NBAS: variants seen among roughly 807,000 people sequenced by gnomAD.
The protein encoded by NBAS is NAG/BC035112 fusion.
A neutral mutation model predicts 302.5 loss-of-function variants in NBAS; 219 were observed. The ratio of observed to expected loss-of-function variants is 0.72; its 90% confidence interval spans 0.65 to 0.81. NBAS has a LOEUF of 0.81. NBAS is among the 30% of genes least tolerant of loss of function. The probability of loss-of-function intolerance (pLI) is 0.00; values close to 1 mark genes in which losing one functional copy is unlikely to be tolerated. For missense variants in NBAS, 2,932 were observed against 2,841.6 expected, an observed-to-expected ratio of 1.03 and a Z score of -0.72; for synonymous variants, 1,118 against 1,021.6, an observed-to-expected ratio of 1.09 and a Z score of -1.80.
chr2:14,850,751 A>C, the NBAS span, among the ~76,000 whole-genome samples: 3 of 74,066 alleles, frequency 4.1e-5, no homozygotes, highest in Admixed American at 1.2e-4. Flanking sequence ...AGTGCAATCA[A>C]ACTAGAACTC....
At chr2:15,154,046 G>A in the NBAS span, among the ~76,000 whole-genome samples, 3 of 152,184 alleles carry the variant, frequency 2.0e-5, no homozygotes, top group African/African-American at 7.2e-5. Flanking sequence ...AGCATATCAT[G>A]CCAGCTCTGG....
chr2:14,938,771 G>T, the NBAS span, among the ~76,000 whole-genome samples: 1 of 152,166 alleles, frequency 6.6e-6, no homozygotes, highest in Non-Finnish European at 1.5e-5. Flanking sequence ...GAAATTAAGG[G>T]TTATTGTGTT....
At chr2:14,935,688 C>T in the NBAS span, among the ~76,000 whole-genome samples, 1 of 152,142 alleles carries the variant, frequency 6.6e-6, no homozygotes, top group South Asian at 2.1e-4. Context: ...CCCACCAGCC[C>T]ATTTGCTGGA....
chr2:15,490,162 C>T (rs1343721002), intron 11 of NBAS, among the ~76,000 whole-genome samples: 1 of 152,102 alleles, frequency 6.6e-6, no homozygotes, highest in Non-Finnish European at 1.5e-5. Context: ...AAAATTATTA[C>T]ACTTGATCCA....
chr2:15,098,424 T>G, the NBAS span, among the ~76,000 whole-genome samples: 6 of 38,698 alleles, frequency 1.6e-4, no homozygotes, highest in African/African-American at 4.0e-4. Context: ...TATTGTATAT[T>G]ATATATTATA....
chr2:15,194,739 A>G lies in NBAS; in HGVS notation c.6433-4336T>C, dbSNP rs1038325873. 2.0e-5 allele frequency among the ~76,000 whole-genome samples: 3 copies of G among 152,194 alleles called. No individual in the cohort carries two copies. The South Asian group carries it at 6.2e-4, about 31-fold the overall frequency. On this transcript the variant is annotated intron_variant, in intron 48 of 51. Transcript: ENST00000281513. ...ATGACATTCAAGACAATAATATTTA[A>G]AAGTGGGGAAGGTAAAGGGACTGAC... is the stretch of plus-strand genomic sequence containing the variant.
At chr2:14,896,608 G>C in the NBAS span, among the ~76,000 whole-genome samples, 1 of 151,822 alleles carries the variant, frequency 6.6e-6, no homozygotes, top group African/African-American at 2.4e-5. Context: ...GAGATTTTGT[G>C]TTGTAATCAT....
the NBAS span, among the ~76,000 whole-genome samples, chr2:15,013,787 AAATT>A: frequency 6.6e-6 from 1 of 152,114 alleles, no homozygotes; most frequent in African/African-American, 2.4e-5. Flanking sequence ...TCCACCTCAA[AAATT>A]AATTAATTAA....
At chr2:15,430,482 G>A (rs1037562749) in intron 21 of NBAS, among the ~76,000 whole-genome samples, 7 of 152,126 alleles carry the variant, frequency 4.6e-5, no homozygotes, top group Non-Finnish European at 7.4e-5. Flanking sequence ...TCCTACTATG[G>A]ACTAGGCCCA....
chr2:15,029,953 A>C, the NBAS span, among the ~76,000 whole-genome samples: 1 of 152,232 alleles, frequency 6.6e-6, no homozygotes, highest in Admixed American at 6.5e-5. Flanking sequence ...CTCAAATAAG[A>C]GCTGAGACTT....
chr2:15,351,901 C>T, intron 35 of NBAS, 91 bp downstream of exon 35: 2 of 916,718 alleles, frequency 2.2e-6, no homozygotes, highest in Non-Finnish European at 1.8e-6. Flanking sequence ...CACACACACA[C>T]ACAAAACCCC....
chr2:15,070,436 C>A, the NBAS span, among the ~76,000 whole-genome samples: 1 of 152,144 alleles, frequency 6.6e-6, no homozygotes. Context: ...CAGTGAAAAT[C>A]AAAGTAACTG....
At chr2:15,176,317 A>C (rs1664536157) in intron 51 of NBAS, among the ~76,000 whole-genome samples, 1 of 152,216 alleles carries the variant, frequency 6.6e-6, no homozygotes, top group Admixed American at 6.5e-5. Context: ...AGAACAGATT[A>C]GCAGTTGCCA....
chr2:15,403,184 TC>T (rs796931502), intron 25 of NBAS, among the ~76,000 whole-genome samples: 7 of 152,266 alleles, frequency 4.6e-5, no homozygotes, highest in African/African-American at 1.7e-4. Context: ...TAGTAGAAAC[TC>T]ATCAGTAAAC....
At chr2:15,474,384 T>G in intron 14 of NBAS, 60 bp from the exon 15 acceptor site, 1 of 1,443,782 alleles carries the variant, frequency 6.9e-7, no homozygotes, top group Non-Finnish European at 9.4e-7. Flanking sequence ...CTTTTTAGAA[T>G]TAATGAAAGA....
intron 28 of NBAS, among the ~76,000 whole-genome samples, chr2:15,390,236 G>A (rs1397520556): frequency 6.6e-6 from 1 of 152,200 alleles, no homozygotes; most frequent in Non-Finnish European, 1.5e-5. Context: ...CCTAGAAGGA[G>A]CTCTTCCTCC....
chr2:15,528,437 AT>A (rs1167200654), intron 9 of NBAS, among the ~76,000 whole-genome samples: 7 of 147,654 alleles, frequency 4.7e-5, no homozygotes, highest in Admixed American at 2.7e-4. Flanking sequence ...TATAATATAT[AT>A]TTTTAATATA....
the NBAS span, among the ~76,000 whole-genome samples, chr2:14,973,499 TA>T: frequency 6.6e-6 from 1 of 152,162 alleles, no homozygotes; most frequent in Non-Finnish European, 1.5e-5. Context: ...TAGATATAAG[TA>T]AAGCAGCCAA....
At chr2:15,138,895 G>C in the NBAS span, among the ~76,000 whole-genome samples, 1 of 152,190 alleles carries the variant, frequency 6.6e-6, no homozygotes. Flanking sequence ...TCAGCTCCAA[G>C]AAGTCACCTT....
Sources: gnomAD v4.1 joint callset for allele counts (sites outside exome capture counted in the v4.1 genomes callset) on GRCh38, gnomAD v4.1.1 for gene constraint, MANE v1.5 for transcripts, NCBI Gene and HGNC (gene_info 2026-07-23, HGNC 2026-07-21) for gene names.